SEMA5B: variants seen among roughly 807,000 people sequenced by gnomAD.
The protein encoded by SEMA5B is semaphorin 5B.
SEMA5B carries 66 observed loss-of-function variants against 135.0 expected under a neutral mutation model. The observed-to-expected ratio is 0.49, with a 90% CI of 0.40 to 0.60. The LOEUF (loss-of-function observed/expected upper bound fraction) is 0.60. Ranked by LOEUF, SEMA5B falls within the 20% of genes least tolerant of loss-of-function variation. The pLI, the probability that SEMA5B is intolerant of heterozygous loss-of-function variation, is 0.00. For missense variants in SEMA5B, 1,501 were observed against 1,566.3 expected (o/e 0.96, Z 0.70); for synonymous variants, 690 against 639.5 (o/e 1.08, Z -1.19).
intron 1 of SEMA5B, among the ~76,000 whole-genome samples, chr3:122,984,162 C>G (rs1941623928): frequency 6.6e-6 from 1 of 152,256 alleles, no homozygotes. Flanking sequence ...GTCTCCCGCC[C>G]CCCGCCGTGG....
intron 3 of SEMA5B, among the ~76,000 whole-genome samples, chr3:122,945,039 CA>C (rs935566120): frequency 3.3e-5 from 5 of 152,018 alleles, no homozygotes; most frequent in African/African-American, 1.2e-4. Context: ...GTGTGTAATC[CA>C]AAGGAAATAA....
At chr3:122,916,423 C>G (rs141288176) in intron 12 of SEMA5B, among the ~76,000 whole-genome samples, 1 of 152,164 alleles carries the variant, frequency 6.6e-6, no homozygotes, top group Non-Finnish European at 1.5e-5. Flanking sequence ...AATACCCGAG[C>G]CCACCCCACT....
Position 122,966,555 on chromosome 3 carries a change from TTA to T in SEMA5B, c.-38-5256_-38-5255del, listed in dbSNP as rs1182474444. Among the ~76,000 whole-genome samples, 6 of 142,282 alleles carry T rather than the reference TTA, an allele frequency of 4.2e-5. No individual in the cohort carries two copies. The East Asian group carries it at 1.2e-3, about 28-fold the overall frequency. 93.3% of individuals were successfully genotyped at this position (142,282 alleles called of 152,430 possible). On this transcript the variant is annotated intron_variant, in intron 1 of 22. Coordinates refer to ENST00000357599, the MANE Select transcript of SEMA5B (RefSeq NM_001031702.4). The stretch of plus-strand genomic sequence containing the variant: ...AGAATGTTTATTATTATTATTATTA[TTA>T]TTATTATTATTTTTTGAGACGGAGT...
chr3:122,970,701 A>G (rs552179678), intron 1 of SEMA5B, among the ~76,000 whole-genome samples: 7 of 152,330 alleles, frequency 4.6e-5, no homozygotes, highest in African/African-American at 1.7e-4. Flanking sequence ...CCTGCAAGGT[A>G]GGTATTATTG....
intron 1 of SEMA5B, chr3:122,976,067 G>A (rs747889820): frequency 2.7e-5 from 41 of 1,535,084 alleles, no homozygotes; most frequent in Non-Finnish European, 3.4e-5. Flanking sequence ...GCTCATCTAT[G>A]AAGCTCCTTC....
intron 1 of SEMA5B, among the ~76,000 whole-genome samples, chr3:122,983,707 G>T (rs1941604353): frequency 2.6e-5 from 2 of 76,452 alleles, no homozygotes; most frequent in African/African-American, 1.1e-4. Context: ...GACAGAGCGA[G>T]ACTCGTCTCA....
At position 122,953,344 on chromosome 3, in the gene SEMA5B, C is replaced by T. The variant is rs372705913; in HGVS notation, c.125-4635G>A. ...TGGCCAGATCCTGAGCTCCAGGGGC[C>T]CGAATTAGGAGCATATCCTGGGCCT... is the stretch of plus-strand genomic sequence containing the variant. On this transcript the variant is annotated intron_variant, in intron 2 of 22. Transcript: ENST00000357599. 1.0e-3 allele frequency among the ~76,000 whole-genome samples: 157 copies of T among 152,268 alleles called. 2 individuals are homozygous for T. In the South Asian group the frequency reaches 0.032, roughly 31 times the overall value.
At chr3:122,964,567 C>T (rs1174472395) in intron 1 of SEMA5B, among the ~76,000 whole-genome samples, 1 of 152,232 alleles carries the variant, frequency 6.6e-6, no homozygotes, top group Non-Finnish European at 1.5e-5. Flanking sequence ...ACATGTCTCT[C>T]TGTGACCTCT....
At chr3:122,993,651 T>C (rs1941942866) in intron 1 of SEMA5B, among the ~76,000 whole-genome samples, 1 of 151,950 alleles carries the variant, frequency 6.6e-6, no homozygotes, top group Admixed American at 6.6e-5. Context: ...GCAATCCCTC[T>C]CTCCTCCTGG....
At chr3:122,939,809 C>A (rs1270146689) in intron 4 of SEMA5B, among the ~76,000 whole-genome samples, 1 of 152,192 alleles carries the variant, frequency 6.6e-6, no homozygotes, top group African/African-American at 2.4e-5. Flanking sequence ...GGGAGGAACC[C>A]CTTGACCCCA....
intron 2 of SEMA5B, among the ~76,000 whole-genome samples, chr3:122,955,702 G>A (rs1046382921): frequency 6.6e-6 from 1 of 152,206 alleles, no homozygotes; most frequent in African/African-American, 2.4e-5. Flanking sequence ...CATCACCTGT[G>A]AAATAAGGTT....
In SEMA5B at chr3:122,922,258, C is replaced by T; in HGVS notation, c.1462G>A (p.Val488Ile). 2 of 1,613,914 alleles carry T rather than the reference C, an allele frequency of 1.2e-6. No individual in the cohort carries two copies. The highest frequency in any genetic ancestry group is 1.7e-6 in the Non-Finnish European group (2 of 1,179,876). ...GGCTCACCGGTGCCAATGTAGAGTA[C>T]ATGGTAGAGCGTGTCTTTAGCCTGC... ...LVQAKDTLYH[V>I]LYIGTESGTI... Residue 488 changes from valine (V) to isoleucine (I), a missense_variant, in exon 11 of 23, where the codon GTA becomes ATA. Physicochemically the swap from Val to Ile is conservative, Grantham distance 29. Coordinates refer to ENST00000357599, the MANE Select transcript of SEMA5B (RefSeq NM_001031702.4).
intron 2 of SEMA5B, among the ~76,000 whole-genome samples, chr3:122,953,209 C>T (rs918874726): frequency 2.0e-5 from 3 of 152,086 alleles, no homozygotes; most frequent in African/African-American, 4.8e-5. Flanking sequence ...CCTCCTCTCC[C>T]CTCACTCTTT....
chr3:122,995,395 G>A (rs1284359755), intron 1 of SEMA5B, among the ~76,000 whole-genome samples: 2 of 152,256 alleles, frequency 1.3e-5, no homozygotes, highest in South Asian at 2.1e-4. Flanking sequence ...GAAAACCCTC[G>A]ATAACCACCA....
intron 1 of SEMA5B, among the ~76,000 whole-genome samples, chr3:123,014,231 A>C (rs1273320342): frequency 6.6e-6 from 1 of 152,210 alleles, no homozygotes; most frequent in East Asian, 1.9e-4. Flanking sequence ...TTTGCAAACC[A>C]CAGAGATGAA....
At chr3:122,955,348 GC>G (rs1560358270) in intron 2 of SEMA5B, among the ~76,000 whole-genome samples, 1 of 152,132 alleles carries the variant, frequency 6.6e-6, no homozygotes, top group Non-Finnish European at 1.5e-5. Flanking sequence ...TATCTAACAG[GC>G]CTAGAACAGC....
chr3:122,962,134 C>T (rs769990868), intron 1 of SEMA5B, among the ~76,000 whole-genome samples: 15 of 152,286 alleles, frequency 9.8e-5, no homozygotes, highest in Non-Finnish European at 1.3e-4. Flanking sequence ...CCTTTTGCAT[C>T]GTAAGGCACC....
intron 1 of SEMA5B, among the ~76,000 whole-genome samples, chr3:122,963,686 G>A (rs942278652): frequency 6.6e-6 from 1 of 152,150 alleles, no homozygotes; most frequent in Non-Finnish European, 1.5e-5. Context: ...CAGAGAACAC[G>A]GGGCATCGGG....
chr3:123,023,358 G>A (rs1378237742), intron 1 of SEMA5B, among the ~76,000 whole-genome samples: 2 of 132,768 alleles, frequency 1.5e-5, no homozygotes, highest in East Asian at 4.2e-4. Flanking sequence ...ACACACACAC[G>A]AAATGAAGAC....
Sources: allele counts gnomAD v4.1 joint callset (sites outside exome capture counted in the v4.1 genomes callset), GRCh38; gene constraint gnomAD v4.1.1; transcripts MANE v1.5; gene names NCBI Gene and HGNC (gene_info 2026-07-23, HGNC 2026-07-21).